LPP: variants seen among roughly 807,000 people sequenced by gnomAD.
LPP encodes lipoma-preferred partner.
LPP carries 38 observed loss-of-function variants against 60.4 expected under a neutral mutation model. The observed-to-expected ratio is 0.63, with a 90% CI of 0.49 to 0.83. The LOEUF (loss-of-function observed/expected upper bound fraction) is 0.83, where lower values mean the gene tolerates loss of function less well. Ranked by LOEUF, LPP falls within the 40% of genes least tolerant of loss-of-function variation. LPP has a pLI of 0.00. For synonymous variants in LPP, 328 were observed against 290.8 expected (o/e 1.13, Z -1.30); for missense variants, 902 against 783.6 (o/e 1.15, Z -1.80).
chr3:188,476,303 A>G (rs1803211225), intron 4 of LPP, among the ~76,000 whole-genome samples: 1 of 152,172 alleles, frequency 6.6e-6, no homozygotes. Context: ...GATGTAGATC[A>G]ACATCATTAT....
intron 9 of LPP, among the ~76,000 whole-genome samples, chr3:188,794,383 T>C (rs968241442): frequency 3.6e-4 from 55 of 152,248 alleles, no homozygotes; most frequent in African/African-American, 1.0e-3. Context: ...TTTCCCAAAG[T>C]ATCACCAGCA....
intron 1 of LPP, among the ~76,000 whole-genome samples, chr3:188,207,232 CT>C (rs1255518977): frequency 8.4e-4 from 92 of 109,628 alleles, no homozygotes; most frequent in African/African-American, 1.2e-3. Context: ...TTTTTCTTTT[CT>C]TTTTTTTTTT....
chr3:188,304,950 G>T (rs9854267), intron 2 of LPP, among the ~76,000 whole-genome samples: 6,528 of 152,140 alleles, frequency 0.043, 181 homozygotes, highest in Middle Eastern at 0.12. Context: ...TATTTATTTG[G>T]GCTGAAATAT....
chr3:188,528,148 A>T (rs952615091), intron 6 of LPP, among the ~76,000 whole-genome samples: 1 of 152,060 alleles, frequency 6.6e-6, no homozygotes, highest in Non-Finnish European at 1.5e-5. Flanking sequence ...TGGGCCTTCC[A>T]GGTCATTTAG....
chr3:188,683,830 G>T (rs1180983826), intron 7 of LPP, among the ~76,000 whole-genome samples: 1 of 152,078 alleles, frequency 6.6e-6, no homozygotes, highest in Admixed American at 6.5e-5. Context: ...ACAGTGGGAG[G>T]GTCAAGAAAC....
intron 9 of LPP, among the ~76,000 whole-genome samples, chr3:188,803,154 T>C (rs1459884666): frequency 6.6e-6 from 1 of 151,098 alleles, no homozygotes; most frequent in Non-Finnish European, 1.5e-5. Context: ...AAGCAAATCT[T>C]GTGCTTCAAC....
rs140504796 is a variant in LPP at position 188,361,550 on chromosome 3, T to C, written c.-10+19831T>C. Reference sequence around the variant, plus strand: ...TCCTCTCCTCTCCTCTCCTCCCCTCTCCTCTCCTCTCCTCTCCTCTCCTTT... The same window carrying C: ...TCCTCTCCTCTCCTCTCCTCCCCTCCCCTCTCCTCTCCTCTCCTCTCCTTT... On this transcript the variant is annotated intron_variant, in intron 3 of 11. Coordinates refer to ENST00000617246, the MANE Select transcript of LPP (RefSeq NM_001375462.1). Among the ~76,000 whole-genome samples, 247 of 75,970 alleles carry C rather than the reference T, an allele frequency of 3.3e-3. 1 individual carries two copies. Among genetic ancestry groups the C allele is most frequent in the African/African-American group, 8.3e-3 (195 of 23,446 alleles). 49.8% of individuals were successfully genotyped at this position (75,970 alleles called of 152,430 possible).
chr3:188,759,520 A>C (rs1307545407), intron 8 of LPP: 2 of 153,190 alleles, frequency 1.3e-5, no homozygotes, highest in African/African-American at 4.8e-5. Context: ...TAGAATGAGG[A>C]AGCACTATGG....
intron 2 of LPP, among the ~76,000 whole-genome samples, chr3:188,315,871 AT>A (rs1754884456): frequency 6.6e-6 from 1 of 152,254 alleles, no homozygotes; most frequent in African/African-American, 2.4e-5. Flanking sequence ...ATAAGAACAT[AT>A]TAGACATGCT....
intron 5 of LPP, among the ~76,000 whole-genome samples, chr3:188,487,696 T>C (rs1579285603): frequency 6.6e-6 from 1 of 152,164 alleles, no homozygotes; most frequent in Admixed American, 6.5e-5. Flanking sequence ...CTGGCCCAGG[T>C]TTGTACCAGC....
chr3:188,880,692 T>G lies in LPP; in HGVS notation c.*6213T>G, dbSNP rs750340801. ...ATGTAACATACCCAAATAAAAACGT[T>G]ATTAAACAGCCACAATCGCATTCAG... On this transcript the variant is annotated 3_prime_UTR_variant, in exon 12 of 12. Transcript: ENST00000617246. 2 of 185,712 alleles carry G rather than the reference T, an allele frequency of 1.1e-5. No homozygotes were observed. Among genetic ancestry groups the G allele is most frequent in the Non-Finnish European group, 1.1e-5 (1 of 87,804 alleles). 11.5% of individuals were successfully genotyped at this position (185,712 alleles called of 1,614,324 possible).
Position 188,524,878 on chromosome 3 carries a change from CCCTT to C in LPP, c.429+102_429+105del, listed in dbSNP as rs796218931. Reference sequence around the variant, plus strand: ...CATGCTGCACCTGAGAGCTTATTTCCCCTTCCTTCCTTCCGTCCGTCCTTCCTTC... The same window carrying C: ...CATGCTGCACCTGAGAGCTTATTTCCCCTTCCTTCCGTCCGTCCTTCCTTC... On this transcript the variant is annotated intron_variant, in intron 6 of 11. Coordinates refer to ENST00000617246, the MANE Select transcript of LPP (RefSeq NM_001375462.1). 468 of 634,246 alleles carry C rather than the reference CCCTT, an allele frequency of 7.4e-4. 9 individuals are homozygous for C. In the African/African-American group the frequency reaches 8.7e-3, roughly 12 times the overall value. 39.3% of individuals were successfully genotyped at this position (634,246 alleles called of 1,614,324 possible).
chr3:188,589,124 A>T (rs1838122405), intron 6 of LPP, among the ~76,000 whole-genome samples: 1 of 151,736 alleles, frequency 6.6e-6, no homozygotes, highest in Non-Finnish European at 1.5e-5. Context: ...GTTTTTTTAT[A>T]TCTATATACA....
intron 5 of LPP, among the ~76,000 whole-genome samples, chr3:188,493,651 C>T (rs1464143811): frequency 6.6e-6 from 1 of 151,944 alleles, no homozygotes; most frequent in Non-Finnish European, 1.5e-5. Context: ...CTATTTTGGC[C>T]AGGCTGATCT....
chr3:188,771,467 T>G (rs1283419561), intron 9 of LPP, among the ~76,000 whole-genome samples: 1 of 147,136 alleles, frequency 6.8e-6, no homozygotes, highest in Non-Finnish European at 1.5e-5. Flanking sequence ...GAGAATCACT[T>G]GAACCCAGGA....
At chr3:188,599,861 C>T (rs1180551326) in intron 6 of LPP, among the ~76,000 whole-genome samples, 2 of 151,098 alleles carry the variant, frequency 1.3e-5, no homozygotes, top group Non-Finnish European at 2.9e-5. Flanking sequence ...ATGTTTTGAA[C>T]TCGGTGGCAC....
At chr3:188,356,456 G>A (rs2150887069) in intron 3 of LPP, among the ~76,000 whole-genome samples, 1 of 152,318 alleles carries the variant, frequency 6.6e-6, no homozygotes, top group East Asian at 1.9e-4. Context: ...ATGATTGAGT[G>A]TGGGGTGGGC....
chr3:188,389,058 A>G (rs1200070289), intron 3 of LPP, among the ~76,000 whole-genome samples: 3 of 152,180 alleles, frequency 2.0e-5, no homozygotes, highest in African/African-American at 7.2e-5. Flanking sequence ...AACTGTTTGA[A>G]AAAGCATTTC....
intron 9 of LPP, among the ~76,000 whole-genome samples, chr3:188,831,119 T>G (rs909570504): frequency 6.6e-6 from 1 of 152,168 alleles, no homozygotes; most frequent in African/African-American, 2.4e-5. Flanking sequence ...TTTGCCATGG[T>G]CTACCAGGAG....
Sources: gnomAD v4.1 joint callset for allele counts (sites outside exome capture counted in the v4.1 genomes callset) on GRCh38, gnomAD v4.1.1 for gene constraint, MANE v1.5 for transcripts, NCBI Gene and HGNC (gene_info 2026-07-23, HGNC 2026-07-21) for gene names.